The following DLGAP1 variants were observed in gnomAD, a reference collection of about 807,000 sequenced individuals.
DLGAP1 encodes the protein DLG associated protein 1.
A neutral mutation model predicts 90.8 loss-of-function variants in DLGAP1; 11 were observed. That is an observed-to-expected ratio of 0.12 (90% CI 0.08 to 0.20). The LOEUF is 0.20. DLGAP1 is among the 10% of genes least tolerant of loss of function. The pLI is 1.00. For missense variants in DLGAP1, 1,050 were observed against 1,333.8 expected (o/e 0.79, Z 3.31); for synonymous variants, 558 against 540.7 (o/e 1.03, Z -0.44).
At chr18:3,966,810 A>G (rs2073341704) in intron 3 of DLGAP1, among the ~76,000 whole-genome samples, 1 of 152,048 alleles carries the variant, frequency 6.6e-6, no homozygotes. Context: ...ATGAGGTGAG[A>G]GGGGACGTCT....
At chr18:4,190,977 C>G (rs2077387892) in intron 1 of DLGAP1, among the ~76,000 whole-genome samples, 17 of 152,090 alleles carry the variant, frequency 1.1e-4, no homozygotes, top group Admixed American at 1.0e-3. Flanking sequence ...ATAAGAAACT[C>G]ATGGCTTAAA....
intron 3 of DLGAP1, among the ~76,000 whole-genome samples, chr18:3,927,655 T>C (rs1007193149): frequency 6.6e-6 from 1 of 152,218 alleles, no homozygotes; most frequent in African/African-American, 2.4e-5. Flanking sequence ...CTATATCTGC[T>C]AGTAGAGTAA....
chr18:4,442,900 T>C (rs2083570039), intron 1 of DLGAP1, among the ~76,000 whole-genome samples: 1 of 152,228 alleles, frequency 6.6e-6, no homozygotes, highest in African/African-American at 2.4e-5. Flanking sequence ...GTTGATGTTC[T>C]TGCTCGGGGC....
At chr18:4,272,691 T>C (rs989729925) in intron 1 of DLGAP1, among the ~76,000 whole-genome samples, 5 of 152,354 alleles carry the variant, frequency 3.3e-5, no homozygotes, top group Admixed American at 6.5e-5. Flanking sequence ...CCTATTGCCC[T>C]AACTCTTCTA....
At chr18:4,118,574 T>A (rs1480703526) in intron 2 of DLGAP1, among the ~76,000 whole-genome samples, 2 of 152,144 alleles carry the variant, frequency 1.3e-5, no homozygotes, top group African/African-American at 4.8e-5. Flanking sequence ...ATGGAATTTC[T>A]GTAAAATGGG....
intron 4 of DLGAP1, among the ~76,000 whole-genome samples, chr18:3,817,183 T>A (rs11662362): frequency 0.16 from 24,423 of 152,156 alleles, 2,238 homozygotes; most frequent in East Asian, 0.33. Context: ...TTCATAAGCA[T>A]TGCTCTCTGG....
intron 1 of DLGAP1, among the ~76,000 whole-genome samples, chr18:4,405,958 T>C (rs964100099): frequency 3.9e-5 from 6 of 152,200 alleles, no homozygotes; most frequent in African/African-American, 7.2e-5. Context: ...CACTCCACAA[T>C]GTGGGCGCAG....
chr18:3,979,470 C>A (rs1278506588), intron 3 of DLGAP1, among the ~76,000 whole-genome samples: 4 of 151,628 alleles, frequency 2.6e-5, no homozygotes, highest in African/African-American at 9.7e-5. Flanking sequence ...TGACACATGA[C>A]TGTACTGTAT....
chr18:4,222,137 T>C (rs1275903418), intron 1 of DLGAP1, among the ~76,000 whole-genome samples: 2 of 152,176 alleles, frequency 1.3e-5, no homozygotes, highest in Non-Finnish European at 2.9e-5. Flanking sequence ...TTATTTTCTT[T>C]CTTTACTTAA....
At chr18:3,965,620 T>A (rs1316581311) in intron 3 of DLGAP1, among the ~76,000 whole-genome samples, 1 of 152,150 alleles carries the variant, frequency 6.6e-6, no homozygotes, top group African/African-American at 2.4e-5. Context: ...CATGCTTGTG[T>A]GTGTGTCTAC....
chr18:4,106,904 C>G (rs2075878528), intron 2 of DLGAP1, among the ~76,000 whole-genome samples: 1 of 152,144 alleles, frequency 6.6e-6, no homozygotes, highest in African/African-American at 2.4e-5. Flanking sequence ...TCAGTCAATT[C>G]TTAGATCAAT....
chr18:4,216,071 G>T (rs2077947813), intron 1 of DLGAP1, among the ~76,000 whole-genome samples: 1 of 152,110 alleles, frequency 6.6e-6, no homozygotes, highest in African/African-American at 2.4e-5. Flanking sequence ...ATTTATAAAG[G>T]AAAGAGGTTT....
intron 8 of DLGAP1, among the ~76,000 whole-genome samples, chr18:3,572,062 C>A (rs1599307062): frequency 7.9e-6 from 1 of 127,204 alleles, no homozygotes; most frequent in African/African-American, 2.9e-5. Flanking sequence ...TCAGTGGTTT[C>A]TTCTAGGTTT....
chr18:3,756,044 CACTAA>C (rs2063705021), intron 5 of DLGAP1, among the ~76,000 whole-genome samples: 1 of 151,818 alleles, frequency 6.6e-6, no homozygotes, highest in Admixed American at 6.6e-5. Context: ...TTAGAAATTA[CACTAA>C]ACATTATTTT....
At chr18:3,667,197 C>T (rs2059915632) in intron 7 of DLGAP1, among the ~76,000 whole-genome samples, 1 of 152,074 alleles carries the variant, frequency 6.6e-6, no homozygotes, top group African/African-American at 2.4e-5. Flanking sequence ...CTTGCCTCAG[C>T]CTTCTGAGTA....
chr18:3,949,775 T>G (rs2072948429), intron 3 of DLGAP1, among the ~76,000 whole-genome samples: 1 of 152,210 alleles, frequency 6.6e-6, no homozygotes, highest in Non-Finnish European at 1.5e-5. Context: ...ATCTGTTATT[T>G]TCTAAGAAGA....
intron 3 of DLGAP1, among the ~76,000 whole-genome samples, chr18:4,004,556 GA>G (rs545874203): frequency 6.6e-6 from 1 of 151,802 alleles, no homozygotes; most frequent in Non-Finnish European, 1.5e-5. Context: ...TCAATAATGT[GA>G]AAAAAACAAA....
intron 5 of DLGAP1, among the ~76,000 whole-genome samples, chr18:3,776,045 G>A (rs2064924809): frequency 6.6e-6 from 1 of 152,146 alleles, no homozygotes; most frequent in Non-Finnish European, 1.5e-5. Flanking sequence ...GCTTCTGTGA[G>A]TTTCCCACCC....
At chr18:3,748,105 C>T (rs1051634746) in intron 5 of DLGAP1, among the ~76,000 whole-genome samples, 3 of 152,216 alleles carry the variant, frequency 2.0e-5, no homozygotes, top group Admixed American at 2.0e-4. Context: ...CTTTTTCCAT[C>T]CTTCTCCCTA....
Sources: gnomAD v4.1 joint callset for allele counts (sites outside exome capture counted in the v4.1 genomes callset) on GRCh38, gnomAD v4.1.1 for gene constraint, MANE v1.5 for transcripts, NCBI Gene and HGNC (gene_info 2026-07-23, HGNC 2026-07-21) for gene names.